MTUS2: variants seen among roughly 807,000 people sequenced by gnomAD.
MTUS2 encodes microtubule-associated tumor suppressor candidate 2.
Under a neutral mutation model 114.1 loss-of-function variants are expected in MTUS2, and 40 were observed. The observed-to-expected ratio is 0.35, with a 90% CI of 0.27 to 0.46. The LOEUF is 0.46. Among genes scored for constraint, MTUS2 ranks in the 20% least tolerant of loss-of-function variants. MTUS2 has a pLI of 1.00. For synonymous variants in MTUS2, 688 were observed against 672.0 expected (o/e 1.02, Z -0.37); for missense variants, 1,679 against 1,705.4 (o/e 0.98, Z 0.27).
chr13:29,461,584 C>T (rs894112166), intron 9 of MTUS2, among the ~76,000 whole-genome samples: 1 of 152,220 alleles, frequency 6.6e-6, no homozygotes, highest in Admixed American at 6.5e-5. Flanking sequence ...ACTCTGTTCT[C>T]ACTGGTGGAA....
At chr13:29,064,933 C>T (rs1888596872) in intron 4 of MTUS2, among the ~76,000 whole-genome samples, 1 of 152,192 alleles carries the variant, frequency 6.6e-6, no homozygotes, top group African/African-American at 2.4e-5. Context: ...TAGCTCCATC[C>T]ATGTTCCTGC....
At chr13:29,283,670 G>A (rs1438823092) in intron 6 of MTUS2, among the ~76,000 whole-genome samples, 1 of 152,136 alleles carries the variant, frequency 6.6e-6, no homozygotes, top group Admixed American at 6.5e-5. Context: ...TTTGGGGCTC[G>A]AGAATTTGCA....
intron 2 of MTUS2, among the ~76,000 whole-genome samples, chr13:28,852,948 A>AGTAC (rs769943870): frequency 1.1e-4 from 1 of 9,184 alleles, no homozygotes; most frequent in Non-Finnish European, 3.8e-4. Flanking sequence ...CTCTGTCTTA[A>AGTAC]ATACATACAT....
chr13:29,465,958 G>A lies in MTUS2; in HGVS notation c.3185-14192G>A, dbSNP rs897344170. ...CAGCAATTCCCGTGAATGCTGTTCTGTTCTAGATGCATTCCAGGAGGAGAC... is the reference window on the plus strand; with the variant it reads ...CAGCAATTCCCGTGAATGCTGTTCTATTCTAGATGCATTCCAGGAGGAGAC... On this transcript the variant is annotated intron_variant, in intron 9 of 15. Transcript: ENST00000612955. Among the ~76,000 whole-genome samples the A allele has an allele frequency of 2.6e-5, 4 of 152,238 alleles. No homozygotes were observed. The South Asian group carries it at 6.2e-4, about 24-fold the overall frequency.
chr13:29,024,776 T>C lies in MTUS2; in HGVS notation c.78T>C (p.Asn26=), dbSNP rs765507378. The C allele has an allele frequency of 6.2e-7, 1 of 1,613,962 alleles. No individual in the cohort carries two copies. Among genetic ancestry groups the C allele is most frequent in the South Asian group, 1.1e-5 (1 of 91,082 alleles). ...ACAGAAATGCAGCAAGAAATAATAA[T>C]GAAAGCATCTTAAGTCTGGGAGATA... ...RDNRNAARNN[N]ESILSLGDTN... Residue 26 remains asparagine (N), a synonymous_variant, in exon 3 of 16, where the codon AAT becomes AAC. Coordinates refer to ENST00000612955, the MANE Select transcript of MTUS2 (RefSeq NM_001033602.4).
intron 5 of MTUS2, among the ~76,000 whole-genome samples, chr13:29,128,787 C>G (rs1303247482): frequency 1.8e-4 from 27 of 152,132 alleles, no homozygotes; most frequent in Admixed American, 1.8e-3. Context: ...CTGTATTCCT[C>G]ACTCTGTGCC....
At chr13:28,858,545 G>A (rs1035928004) in intron 2 of MTUS2, among the ~76,000 whole-genome samples, 17 of 152,100 alleles carry the variant, frequency 1.1e-4, no homozygotes, top group African/African-American at 3.9e-4. Flanking sequence ...TGTTTTGAAG[G>A]TTTGCTGCAT....
intron 2 of MTUS2, among the ~76,000 whole-genome samples, chr13:28,885,925 A>G (rs1427823293): frequency 1.3e-5 from 2 of 152,168 alleles, no homozygotes; most frequent in Admixed American, 6.5e-5. Flanking sequence ...CAGTGGGTTG[A>G]TATTTCATCA....
Position 28,833,341 on chromosome 13 carries a change from A to G in MTUS2, c.-315-6437A>G, listed in dbSNP as rs777905763. Among the ~76,000 whole-genome samples, 8 of 152,284 alleles carry G rather than the reference A, an allele frequency of 5.3e-5. No individual in the cohort carries two copies. In the East Asian group the frequency reaches 1.2e-3, roughly 22 times the overall value. ...ATACTACCAAACAGAAATCAGCAAC[A>G]TATAAAAAGGTTTGTATACCGTGAC... On this transcript the variant is annotated intron_variant, in intron 1 of 15. Coordinates refer to ENST00000612955, the MANE Select transcript of MTUS2 (RefSeq NM_001033602.4).
At chr13:29,327,961 A>G (rs755954804) in intron 7 of MTUS2, among the ~76,000 whole-genome samples, 6 of 152,034 alleles carry the variant, frequency 3.9e-5, no homozygotes, top group Admixed American at 6.6e-5. Flanking sequence ...TGTGGTTTTA[A>G]TTTGCCTTTT....
At chr13:29,138,082 C>A (rs1357626922) in intron 5 of MTUS2, among the ~76,000 whole-genome samples, 1 of 152,096 alleles carries the variant, frequency 6.6e-6, no homozygotes, top group Non-Finnish European at 1.5e-5. Flanking sequence ...AGATCCTTGA[C>A]ATTTGGAAGA....
intron 5 of MTUS2, among the ~76,000 whole-genome samples, chr13:29,155,640 A>C (rs1263897218): frequency 6.6e-6 from 1 of 152,208 alleles, no homozygotes; most frequent in Non-Finnish European, 1.5e-5. Flanking sequence ...GATTGTGGAA[A>C]ATGTATGATC....
At chr13:29,243,067 T>C (rs1365235149) in intron 5 of MTUS2, among the ~76,000 whole-genome samples, 1 of 152,196 alleles carries the variant, frequency 6.6e-6, no homozygotes, top group Non-Finnish European at 1.5e-5. Flanking sequence ...GAATCTGAGA[T>C]ACTATGGGAC....
intron 8 of MTUS2, among the ~76,000 whole-genome samples, chr13:29,421,790 C>G (rs1876128446): frequency 6.6e-6 from 1 of 152,036 alleles, no homozygotes; most frequent in Admixed American, 6.6e-5. Flanking sequence ...TGGGCAGAGC[C>G]CTGGAGGAGG....
At chr13:29,357,787 T>G (rs1566151223) in intron 7 of MTUS2, among the ~76,000 whole-genome samples, 1 of 152,260 alleles carries the variant, frequency 6.6e-6, no homozygotes, top group Admixed American at 6.5e-5. Context: ...CAGAATAATT[T>G]ACGATATGCC....
intron 7 of MTUS2, among the ~76,000 whole-genome samples, chr13:29,337,955 A>AT (rs34068964): frequency 0.54 from 77,490 of 143,376 alleles, 23,855 homozygotes; most frequent in East Asian, 0.75. Context: ...TGCCCTGCTA[A>AT]TTTTTTTTTT....
chr13:29,239,546 G>A (rs1012555442), intron 5 of MTUS2: 6 of 152,184 alleles, frequency 3.9e-5, no homozygotes, highest in African/African-American at 1.2e-4. Flanking sequence ...TATTGGGAAT[G>A]TATTACAGGG....
At position 29,480,975 on chromosome 13, in the gene MTUS2, A is replaced by G. The variant is rs1207124334; in HGVS notation, c.3399+611A>G. Among the ~76,000 whole-genome samples the G allele has an allele frequency of 6.6e-6, 1 of 152,100 alleles. No homozygotes were observed. The highest frequency in any genetic ancestry group is 1.5e-5 in the Non-Finnish European group (1 of 68,030). ...TTACACGGAAGAAAGCCAAGCCCCC[A>G]TGGTTCAATAATTTGCCAGAATTCA... On this transcript the variant is annotated intron_variant, in intron 10 of 15. Coordinates refer to ENST00000612955, the MANE Select transcript of MTUS2 (RefSeq NM_001033602.4). The surrounding 1 kb of genome is among the most constrained non-coding windows in gnomAD (Gnocchi z 4.4).
intron 5 of MTUS2, among the ~76,000 whole-genome samples, chr13:29,232,612 T>G (rs1390177439): frequency 1.3e-5 from 2 of 152,240 alleles, no homozygotes; most frequent in Non-Finnish European, 2.9e-5. Context: ...ATAGTTAGTT[T>G]GCTTAAGTGG....
Sources: allele counts gnomAD v4.1 joint callset (sites outside exome capture counted in the v4.1 genomes callset), GRCh38; gene constraint gnomAD v4.1.1; non-coding constraint Gnocchi (gnomAD v3.1); transcripts MANE v1.5; gene names NCBI Gene and HGNC (gene_info 2026-07-23, HGNC 2026-07-21).